NOL10: variants seen among roughly 807,000 people sequenced by gnomAD.
NOL10 encodes the protein H_NH0074G24.1.
NOL10 carries 58 observed loss-of-function variants against 103.5 expected under a neutral mutation model. The observed-to-expected ratio is 0.56, with a 90% CI of 0.45 to 0.70. The LOEUF (loss-of-function observed/expected upper bound fraction) is 0.70. NOL10 is among the 30% of genes least tolerant of loss of function. The probability of loss-of-function intolerance (pLI) is 0.00; values close to 1 mark genes in which losing one functional copy is unlikely to be tolerated. For synonymous variants in NOL10, 287 were observed against 282.5 expected (o/e 1.02, Z -0.16); for missense variants, 763 against 807.3 (o/e 0.95, Z 0.67).
chr2:10,676,475 A>G (rs1243376898), intron 3 of NOL10, among the ~76,000 whole-genome samples: 3 of 152,256 alleles, frequency 2.0e-5, no homozygotes, highest in African/African-American at 7.2e-5. Flanking sequence ...TACATAGCCC[A>G]TAAAGTGGAT....
At chr2:10,685,125 CTATT>C (rs1018559874) in intron 1 of NOL10, among the ~76,000 whole-genome samples, 1 of 152,166 alleles carries the variant, frequency 6.6e-6, no homozygotes, top group African/African-American at 2.4e-5. Flanking sequence ...ACAATTTAAT[CTATT>C]TAAGTGAGAA....
At chr2:10,639,224 T>C (rs1464311181) in intron 13 of NOL10, among the ~76,000 whole-genome samples, 1 of 152,012 alleles carries the variant, frequency 6.6e-6, no homozygotes, top group Non-Finnish European at 1.5e-5. Flanking sequence ...AGATCAAGAC[T>C]ATCCTGGCTA....
At chr2:10,585,073 G>A (rs1323975434) in intron 19 of NOL10, among the ~76,000 whole-genome samples, 2 of 152,202 alleles carry the variant, frequency 1.3e-5, no homozygotes, top group Non-Finnish European at 2.9e-5. Flanking sequence ...TTTCTCAGCA[G>A]ATCTTGAAGG....
At chr2:10,657,003 C>A (rs978235895) in intron 11 of NOL10, among the ~76,000 whole-genome samples, 1 of 152,096 alleles carries the variant, frequency 6.6e-6, no homozygotes, top group Non-Finnish European at 1.5e-5. Context: ...AGGAGAAGGA[C>A]CATCAAAATA....
chr2:10,653,194 CAAA>C (rs761230128), intron 12 of NOL10, among the ~76,000 whole-genome samples: 1 of 84,934 alleles, frequency 1.2e-5, no homozygotes, highest in Admixed American at 1.3e-4. Flanking sequence ...GACTCCAACT[CAAA>C]AAAAAAAAAA....
chr2:10,655,723 G>A (rs1679803412), intron 11 of NOL10, among the ~76,000 whole-genome samples: 1 of 152,228 alleles, frequency 6.6e-6, no homozygotes, highest in African/African-American at 2.4e-5. Context: ...ATTACAGTGT[G>A]ATGATTTCAA....
intron 19 of NOL10, among the ~76,000 whole-genome samples, chr2:10,581,731 G>A (rs1318593766): frequency 6.6e-6 from 1 of 152,112 alleles, no homozygotes; most frequent in Non-Finnish European, 1.5e-5. Flanking sequence ...TGAGGTGGGA[G>A]GATCATTTGA....
intron 12 of NOL10, 123 bp downstream of exon 12, chr2:10,654,358 C>A: frequency 1.5e-6 from 1 of 670,570 alleles, no homozygotes; most frequent in Non-Finnish European, 2.5e-6. Flanking sequence ...CAAATTCTAT[C>A]TTAAGAAATA....
intron 3 of NOL10, among the ~76,000 whole-genome samples, chr2:10,677,820 G>A (rs910686817): frequency 6.7e-6 from 1 of 150,044 alleles, no homozygotes; most frequent in African/African-American, 2.5e-5. Context: ...ACTGTCGTAT[G>A]GCAATAATTT....
chr2:10,651,979 C>T (rs1485101832), intron 12 of NOL10, among the ~76,000 whole-genome samples: 2 of 152,128 alleles, frequency 1.3e-5, no homozygotes, highest in South Asian at 2.1e-4. Context: ...CAGTGGCTCA[C>T]GCCTGTAATC....
chr2:10,648,982 A>G (rs149266929), intron 12 of NOL10, among the ~76,000 whole-genome samples: 1 of 152,298 alleles, frequency 6.6e-6, no homozygotes, highest in East Asian at 1.9e-4. Flanking sequence ...AACCACACCT[A>G]ACTAAAAAAG....
chr2:10,636,310 C>CTGTAA (rs946658336), intron 13 of NOL10, among the ~76,000 whole-genome samples: 2 of 150,584 alleles, frequency 1.3e-5, no homozygotes, highest in Non-Finnish European at 2.9e-5. Context: ...TGGCTTACAC[C>CTGTAA]TGTAATCCCA....
intron 17 of NOL10, among the ~76,000 whole-genome samples, chr2:10,599,521 G>A (rs1675866330): frequency 6.6e-6 from 1 of 152,202 alleles, no homozygotes; most frequent in Admixed American, 6.5e-5. Flanking sequence ...GGAAGGTGCA[G>A]AGCCATTACA....
intron 12 of NOL10, among the ~76,000 whole-genome samples, chr2:10,644,828 C>T (rs182639373): frequency 3.9e-5 from 6 of 152,306 alleles, no homozygotes; most frequent in Non-Finnish European, 8.8e-5. Context: ...TCTATAACCC[C>T]AGGAGCAACC....
At chr2:10,674,089 A>G (rs1176899350) in intron 4 of NOL10, among the ~76,000 whole-genome samples, 1 of 151,874 alleles carries the variant, frequency 6.6e-6, no homozygotes, top group African/African-American at 2.4e-5. Context: ...ATGGTGGTGC[A>G]TGCCTGTGAT....
intron 13 of NOL10, among the ~76,000 whole-genome samples, chr2:10,637,341 T>G (rs1678332454): frequency 6.6e-6 from 1 of 152,176 alleles, no homozygotes; most frequent in South Asian, 2.1e-4. Flanking sequence ...ATACATTTAC[T>G]AGAAAAATGT....
At chr2:10,589,408 A>T in intron 18 of NOL10, 118 bp from the exon 19 acceptor site, 2 of 1,361,726 alleles carry the variant, frequency 1.5e-6, no homozygotes, top group Non-Finnish European at 2.0e-6. Flanking sequence ...TACTGCATGC[A>T]TCAGGAGAAA....
chr2:10,674,911 A>G (rs1199920909), intron 4 of NOL10, among the ~76,000 whole-genome samples: 1 of 152,202 alleles, frequency 6.6e-6, no homozygotes, highest in Non-Finnish European at 1.5e-5. Context: ...AGAGAGATCC[A>G]AAACACAAGG....
Position 10,663,806 on chromosome 2 carries a change from C to A in NOL10, c.592-762G>T, listed in dbSNP as rs191689053. On this transcript the variant is annotated intron_variant, in intron 8 of 20. Coordinates refer to ENST00000381685, the MANE Select transcript of NOL10 (RefSeq NM_024894.4). ...CTACTAAAAAATACAAAAAATTAGC[C>A]GGGCATGGTGGCGGGCGCTTTTAGT... Among the ~76,000 whole-genome samples the A allele has an allele frequency of 2.4e-3, 359 of 151,852 alleles. 4 individuals are homozygous for A. The highest frequency in any genetic ancestry group is 8.3e-3 in the African/African-American group (345 of 41,432).
Sources: gnomAD v4.1 joint callset for allele counts (sites outside exome capture counted in the v4.1 genomes callset) on GRCh38, gnomAD v4.1.1 for gene constraint, MANE v1.5 for transcripts, NCBI Gene and HGNC (gene_info 2026-07-23, HGNC 2026-07-21) for gene names.